Variants in INPP4B observed in about 807,000 individuals in gnomAD.
INPP4B encodes the protein inositol polyphosphate-4-phosphatase type II B.
In INPP4B, 55 loss-of-function variants were observed where a neutral mutation model predicts 122.5. That is an observed-to-expected ratio of 0.45 (90% CI 0.36 to 0.56). The LOEUF (loss-of-function observed/expected upper bound fraction) is 0.56, where lower values mean the gene tolerates loss of function less well. Among genes scored for constraint, INPP4B ranks in the 20% least tolerant of loss-of-function variants. The pLI, the probability that INPP4B is intolerant of heterozygous loss-of-function variation, is 0.00. For synonymous variants in INPP4B, 403 were observed against 388.7 expected, an observed-to-expected ratio of 1.04 and a Z score of -0.43; for missense variants, 1,000 against 1,097.7, an observed-to-expected ratio of 0.91 and a Z score of 1.26.
At chr4:142,562,732 TAAAGAGA>T (rs1488760974) in intron 2 of INPP4B, among the ~76,000 whole-genome samples, 4 of 152,098 alleles carry the variant, frequency 2.6e-5, no homozygotes, top group African/African-American at 4.8e-5. Context: ...GATAATAAAA[TAAAGAGA>T]AATAAAGAGA....
At chr4:142,042,558 GTATTTATTTATT>G (rs372566277) in intron 25 of INPP4B, among the ~76,000 whole-genome samples, 2 of 64,086 alleles carry the variant, frequency 3.1e-5, no homozygotes, top group African/African-American at 1.1e-4. Context: ...ATGTATGTAT[GTATTTATTTATT>G]TATTTATTTT....
At chr4:142,365,983 C>T (rs1787317538) in intron 7 of INPP4B, among the ~76,000 whole-genome samples, 1 of 152,004 alleles carries the variant, frequency 6.6e-6, no homozygotes. Context: ...TATCATATCT[C>T]CTGTGACCTG....
At chr4:142,158,002 C>T (rs541432940) in intron 17 of INPP4B, among the ~76,000 whole-genome samples, 3 of 152,174 alleles carry the variant, frequency 2.0e-5, no homozygotes, top group East Asian at 1.9e-4. Flanking sequence ...TGGACCCTAC[C>T]GTTGACTTTC....
At chr4:142,247,649 A>G (rs1458873377) in intron 11 of INPP4B, among the ~76,000 whole-genome samples, 1 of 151,888 alleles carries the variant, frequency 6.6e-6, no homozygotes, top group Non-Finnish European at 1.5e-5. Flanking sequence ...CCCCTTTATC[A>G]TTTTTATTGT....
At chr4:142,755,574 C>A (rs1770387165) in intron 1 of INPP4B, among the ~76,000 whole-genome samples, 1 of 151,990 alleles carries the variant, frequency 6.6e-6, no homozygotes, top group Non-Finnish European at 1.5e-5. Context: ...AAGGTCCCTT[C>A]TGAGCAAGGA....
At chr4:142,237,550 G>T (rs1033716186) in intron 12 of INPP4B, among the ~76,000 whole-genome samples, 1 of 151,934 alleles carries the variant, frequency 6.6e-6, no homozygotes, top group Non-Finnish European at 1.5e-5. Context: ...TACACTGATA[G>T]AACATTTCAT....
rs529097004 is a variant in INPP4B, at chr4:142,577,098, G to A, written c.-190-114372C>T. 5.3e-5 allele frequency among the ~76,000 whole-genome samples: 8 copies of A among 151,902 alleles called. No homozygotes were observed. In the East Asian group the frequency reaches 1.6e-3, roughly 29 times the overall value. On this transcript the variant is annotated intron_variant, in intron 2 of 25. Coordinates refer to ENST00000262992, the MANE Select transcript of INPP4B (RefSeq NM_001101669.3). ...CTTAATAATGCTTTCCTAGATTTTT[G>A]CCTATTCTTGTATCCATACCAACCT...
chr4:142,654,756 A>G (rs1295575788), intron 2 of INPP4B: 1 of 152,244 alleles, frequency 6.6e-6, no homozygotes, highest in Non-Finnish European at 1.5e-5. Flanking sequence ...CAATTATTCA[A>G]TTAAAGTCAG....
At chr4:142,837,943 G>T (rs1581030235) in intron 1 of INPP4B, among the ~76,000 whole-genome samples, 1 of 151,892 alleles carries the variant, frequency 6.6e-6, no homozygotes, top group East Asian at 1.9e-4. Flanking sequence ...TCTAAGTTGA[G>T]AGGGAAGGCT....
chr4:142,260,008 T>C (rs1738983925), intron 11 of INPP4B, among the ~76,000 whole-genome samples: 1 of 152,208 alleles, frequency 6.6e-6, no homozygotes, highest in African/African-American at 2.4e-5. Flanking sequence ...TTTTTTGAGA[T>C]GGAGTATCAC....
At chr4:142,468,538 G>T (rs947094063) in intron 2 of INPP4B, among the ~76,000 whole-genome samples, 10 of 152,144 alleles carry the variant, frequency 6.6e-5, no homozygotes, top group Non-Finnish European at 1.3e-4. Context: ...CATGGGGGTG[G>T]ATTCCTCATG....
At chr4:142,653,682 A>G (rs149373719) in intron 2 of INPP4B, among the ~76,000 whole-genome samples, 3,832 of 152,282 alleles carry the variant, frequency 0.025, 60 homozygotes, top group Middle Eastern at 0.088. Context: ...ACCATCTCAT[A>G]CCAATTAGAA....
At chr4:142,828,463 A>G (rs1206565359) in intron 1 of INPP4B, among the ~76,000 whole-genome samples, 1 of 152,194 alleles carries the variant, frequency 6.6e-6, no homozygotes, top group Non-Finnish European at 1.5e-5. Flanking sequence ...AATACTGTAC[A>G]TATAATCATT....
Position 142,506,634 on chromosome 4 carries a change from C to T in INPP4B, c.-190-43908G>A, listed in dbSNP as rs911679224. Among the ~76,000 whole-genome samples, 5 of 152,164 alleles carry T rather than the reference C, an allele frequency of 3.3e-5. No individual in the cohort carries two copies. The East Asian group carries it at 9.7e-4, about 29-fold the overall frequency. On this transcript the variant is annotated intron_variant, in intron 2 of 25. Transcript: ENST00000262992. ...GTATGAGGGAAAAGGAACACAAGAG[C>T]GAAGTGGAGGAAGAGTGAAAAAAGA...
chr4:142,479,136 A>T (rs564038384), intron 2 of INPP4B, among the ~76,000 whole-genome samples: 1 of 152,318 alleles, frequency 6.6e-6, no homozygotes, highest in East Asian at 1.9e-4. Flanking sequence ...AAACAAACTC[A>T]TTAAAAAGTG....
chr4:142,679,200 C>T (rs549394264), intron 2 of INPP4B, among the ~76,000 whole-genome samples: 6 of 151,990 alleles, frequency 3.9e-5, no homozygotes, highest in Admixed American at 2.0e-4. Flanking sequence ...ATATATTATA[C>T]ACCTGCATGT....
At chr4:142,684,171 T>G (rs569865963) in intron 2 of INPP4B, among the ~76,000 whole-genome samples, 1 of 152,188 alleles carries the variant, frequency 6.6e-6, no homozygotes, top group East Asian at 1.9e-4. Flanking sequence ...GGTCCTCATG[T>G]TTGCAAGTGG....
At chr4:142,518,470 A>G (rs140681866) in intron 2 of INPP4B, among the ~76,000 whole-genome samples, 206 of 152,284 alleles carry the variant, frequency 1.4e-3, no homozygotes, top group Middle Eastern at 6.8e-3. Flanking sequence ...CTTTAAAATT[A>G]TATACATGCT....
intron 5 of INPP4B, among the ~76,000 whole-genome samples, chr4:142,424,079 G>A (rs1446546975): frequency 6.6e-6 from 1 of 151,886 alleles, no homozygotes; most frequent in East Asian, 1.9e-4. Flanking sequence ...TCCTACTCTA[G>A]AATGTAATTT....
Sources: allele counts gnomAD v4.1 joint callset (sites outside exome capture counted in the v4.1 genomes callset), GRCh38; gene constraint gnomAD v4.1.1; transcripts MANE v1.5; gene names NCBI Gene and HGNC (gene_info 2026-07-23, HGNC 2026-07-21).